SHANK2: variants seen among roughly 807,000 people sequenced by gnomAD.
SHANK2 encodes the protein SH3 and multiple ankyrin repeat domains protein 2.
In SHANK2, 43 loss-of-function variants were observed where a neutral mutation model predicts 133.7. The ratio of observed to expected loss-of-function variants is 0.32; its 90% confidence interval spans 0.25 to 0.41. The LOEUF is 0.41. SHANK2 is among the 10% of genes least tolerant of loss of function. SHANK2 has a pLI of 1.00. For synonymous variants in SHANK2, 1,017 were observed against 952.8 expected, an observed-to-expected ratio of 1.07 and a Z score of -1.24; for missense variants, 1,994 against 2,235.8, an observed-to-expected ratio of 0.89 and a Z score of 2.18.
At chr11:70,688,097 G>C (rs1050242156) in intron 15 of SHANK2, among the ~76,000 whole-genome samples, 26 of 152,210 alleles carry the variant, frequency 1.7e-4, no homozygotes, top group Non-Finnish European at 1.2e-4. Flanking sequence ...AGGCTGCTGA[G>C]AGCTTGGCCT....
chr11:70,912,063 C>A (rs1950198960), intron 10 of SHANK2, among the ~76,000 whole-genome samples: 1 of 119,038 alleles, frequency 8.4e-6, no homozygotes, highest in South Asian at 2.8e-4. Context: ...GCCTGGGCAA[C>A]AGAGTGAGAC....
chr11:70,547,091 A>G lies in SHANK2; in HGVS notation c.2062-44160T>C, dbSNP rs58858872. 3.3e-5 allele frequency among the ~76,000 whole-genome samples: 5 copies of G among 151,928 alleles called. No homozygotes were observed. In the East Asian group the frequency reaches 9.7e-4, roughly 29 times the overall value. The stretch of plus-strand genomic sequence containing the variant: ...TTACCCAGAATCTCCCTCACCCTTG[A>G]TGCTTCCACTCAGGAATTTTCCACC... On this transcript the variant is annotated intron_variant, in intron 17 of 25. Coordinates refer to ENST00000601538, the MANE Select transcript of SHANK2 (RefSeq NM_012309.5).
chr11:70,485,784 G>A lies in SHANK2; in HGVS notation c.4509C>T (p.His1503=), dbSNP rs782682259. The A allele has an allele frequency of 1.2e-6, 2 of 1,614,006 alleles. No individual in the cohort carries two copies. The highest frequency in any genetic ancestry group is 1.7e-6 in the Non-Finnish European group (2 of 1,180,028). Residue 1503 remains histidine, a synonymous_variant, in exon 25 of 26, where the codon CAC becomes CAT. Coordinates refer to ENST00000601538, the MANE Select transcript of SHANK2 (RefSeq NM_012309.5). This position sits in a 1 kb window ranked among gnomAD's most constrained non-coding sequence, Gnocchi z 5.8. ...TGGAGATAGTGCTGGTCGTCTCGAG[G>A]TGGTGGTCGCTGCTACTCCGGCTGT... ...EVDSRSSSDH[H]LETTSTISTV...
rs200502647 is a variant in SHANK2, at chr11:70,672,314, T to A, written c.1854-10636A>T. Among the ~76,000 whole-genome samples, 168 of 152,308 alleles carry A rather than the reference T, an allele frequency of 1.1e-3. No individual in the cohort carries two copies. In the East Asian group the frequency reaches 0.012, roughly 11 times the overall value. ...CCTGACCTCAAGTGATCCACCTGCCTCGGCCTTCCAAAGTGCTGGGATTAC... is the reference window on the plus strand; with the variant it reads ...CCTGACCTCAAGTGATCCACCTGCCACGGCCTTCCAAAGTGCTGGGATTAC... On this transcript the variant is annotated intron_variant, in intron 15 of 25. Transcript: ENST00000601538.
chr11:70,546,247 G>A (rs1554976411), intron 17 of SHANK2, among the ~76,000 whole-genome samples: 2 of 151,854 alleles, frequency 1.3e-5, no homozygotes, highest in African/African-American at 4.8e-5. Context: ...AGTTTTAATG[G>A]AGGTTTCAAT....
intron 3 of SHANK2, among the ~76,000 whole-genome samples, chr11:71,142,668 C>T (rs1425383857): frequency 2.0e-5 from 3 of 152,166 alleles, no homozygotes; most frequent in Middle Eastern, 3.4e-3. Context: ...GAAAAAGTAA[C>T]AAAATACAGG....
intron 14 of SHANK2, among the ~76,000 whole-genome samples, chr11:70,714,341 T>A (rs926432092): frequency 6.6e-6 from 1 of 152,150 alleles, no homozygotes; most frequent in Admixed American, 6.5e-5. Context: ...TTGGGTGAGA[T>A]GAGTAAAGCC....
intron 17 of SHANK2, among the ~76,000 whole-genome samples, chr11:70,626,161 C>T (rs984928541): frequency 1.3e-5 from 2 of 152,250 alleles, no homozygotes; most frequent in African/African-American, 4.8e-5. Context: ...AAAACACCCC[C>T]AGCAGCACCG....
intron 9 of SHANK2, among the ~76,000 whole-genome samples, chr11:71,062,825 G>A (rs971779966): frequency 2.8e-4 from 43 of 151,778 alleles, no homozygotes; most frequent in Admixed American, 5.3e-4. Flanking sequence ...GCAAGATCCC[G>A]TCTCTACAAA....
At chr11:70,656,273 A>G (rs1555011592) in intron 17 of SHANK2, among the ~76,000 whole-genome samples, 1 of 152,130 alleles carries the variant, frequency 6.6e-6, no homozygotes, top group Non-Finnish European at 1.5e-5. Flanking sequence ...ACAAGCTCTA[A>G]TCATTATGAA....
chr11:71,238,292 A>G (rs1178306052), intron 1 of SHANK2, among the ~76,000 whole-genome samples: 5 of 152,238 alleles, frequency 3.3e-5, no homozygotes, highest in Non-Finnish European at 7.3e-5. Flanking sequence ...TATAGACCCA[A>G]CAATCCAACA....
rs55694435 is a variant in SHANK2, at chr11:70,598,970, C to CTTT, written c.2061+60855_2061+60857dup. Among the ~76,000 whole-genome samples the CTTT allele has an allele frequency of 3.6e-4, 49 of 135,586 alleles. 1 individual carries two copies. The highest frequency in any genetic ancestry group is 3.0e-3 in the East Asian group (14 of 4,718). The allele number at this position is 135,586 out of a possible 152,430, so 88.9% of individuals were successfully genotyped here. ...CTAGAGTCAACAGAAATTTTGAAAG[C>CTTT]TTTTTTTTTTTTAAAGATCAAGAAC... On this transcript the variant is annotated intron_variant, in intron 17 of 25. Transcript: ENST00000601538.
intron 15 of SHANK2, among the ~76,000 whole-genome samples, chr11:70,683,257 G>T (rs945441037): frequency 1.3e-5 from 2 of 151,982 alleles, no homozygotes; most frequent in East Asian, 3.9e-4. Context: ...GGATTCCACC[G>T]TGCCTGGCCA....
rs1045315217 is a variant in SHANK2, at chr11:70,808,350, C to T, written c.1494-1179G>A. On this transcript the variant is annotated intron_variant, in intron 12 of 25. Coordinates refer to ENST00000601538, the MANE Select transcript of SHANK2 (RefSeq NM_012309.5). ...CTGAGTACCTGGGATTACAGGTGCC[C>T]GCCACCATGCCTGGCTACTTTTTGT... Among the ~76,000 whole-genome samples the T allele has an allele frequency of 3.3e-5, 5 of 151,772 alleles. No individual in the cohort carries two copies. The East Asian group carries it at 5.8e-4, about 18-fold the overall frequency.
intron 3 of SHANK2, among the ~76,000 whole-genome samples, chr11:71,145,693 T>TGGGCACCAAGTG (rs751704535): frequency 8.3e-4 from 127 of 152,216 alleles, no homozygotes; most frequent in Non-Finnish European, 1.5e-3. Context: ...GGACCCTGGA[T>TGGGCACCAAGTG]GGGCACCAAG....
chr11:70,953,773 T>C (rs1184402201), intron 10 of SHANK2, among the ~76,000 whole-genome samples: 1 of 152,132 alleles, frequency 6.6e-6, no homozygotes, highest in Non-Finnish European at 1.5e-5. Flanking sequence ...CCAGAAACAA[T>C]ACTTGACCAT....
intron 11 of SHANK2, among the ~76,000 whole-genome samples, chr11:70,870,215 C>A (rs1555069917): frequency 6.6e-6 from 1 of 152,132 alleles, no homozygotes; most frequent in East Asian, 1.9e-4. Flanking sequence ...TGCTCCACTT[C>A]GTTCCAGGGG....
intron 2 of SHANK2, among the ~76,000 whole-genome samples, chr11:71,200,176 T>C (rs941441348): frequency 1.3e-5 from 2 of 152,198 alleles, no homozygotes; most frequent in African/African-American, 2.4e-5. Flanking sequence ...CCTCTGTGGA[T>C]TTGACCAATC....
intron 17 of SHANK2, among the ~76,000 whole-genome samples, chr11:70,520,695 G>A (rs2059319637): frequency 6.6e-6 from 1 of 152,200 alleles, no homozygotes; most frequent in Admixed American, 6.5e-5. Flanking sequence ...CCTCCTTGAG[G>A]ACAGAGTATC....
Sources: gnomAD v4.1 joint callset for allele counts (sites outside exome capture counted in the v4.1 genomes callset) on GRCh38, gnomAD v4.1.1 for gene constraint, Gnocchi (gnomAD v3.1) non-coding constraint, MANE v1.5 for transcripts, NCBI Gene and HGNC (gene_info 2026-07-23, HGNC 2026-07-21) for gene names.